The following PTPRG variants were observed in gnomAD, a reference collection of about 807,000 sequenced individuals.
PTPRG encodes receptor-type tyrosine-protein phosphatase gamma.
PTPRG carries 102 observed loss-of-function variants against 165.3 expected under a neutral mutation model. That is an observed-to-expected ratio of 0.62 (90% CI 0.53 to 0.73). The LOEUF (loss-of-function observed/expected upper bound fraction) is 0.73. Among genes scored for constraint, PTPRG ranks in the 30% least tolerant of loss-of-function variants. The pLI, the probability that PTPRG is intolerant of heterozygous loss-of-function variation, is 0.00. For missense variants in PTPRG, 1,866 were observed against 1,861.4 expected, an observed-to-expected ratio of 1.00 and a Z score of -0.05; for synonymous variants, 675 against 669.5, an observed-to-expected ratio of 1.01 and a Z score of -0.13.
chr3:61,718,543 A>T (rs1463567566), intron 1 of PTPRG, among the ~76,000 whole-genome samples: 1 of 152,176 alleles, frequency 6.6e-6, no homozygotes, highest in African/African-American at 2.4e-5. Flanking sequence ...TATATTAGTT[A>T]TGGGAGTGAG....
At chr3:61,823,269 C>T (rs184113949) in intron 2 of PTPRG, among the ~76,000 whole-genome samples, 42 of 152,320 alleles carry the variant, frequency 2.8e-4, no homozygotes, top group Admixed American at 2.7e-3. Flanking sequence ...CAGCTTACTA[C>T]AACCTCTACC....
At chr3:61,764,696 G>A (rs980635035) in intron 2 of PTPRG, among the ~76,000 whole-genome samples, 3 of 152,146 alleles carry the variant, frequency 2.0e-5, no homozygotes, top group African/African-American at 7.2e-5. Context: ...CACTTGGAAA[G>A]GTTCAATGTT....
intron 1 of PTPRG, among the ~76,000 whole-genome samples, chr3:61,567,972 A>AAG (rs1553636500): frequency 6.6e-6 from 1 of 151,708 alleles, no homozygotes; most frequent in Non-Finnish European, 1.5e-5. Context: ...CCTCAAAAAA[A>AAG]AAAAAAAAAA....
intron 2 of PTPRG, among the ~76,000 whole-genome samples, chr3:61,784,639 G>C (rs1448967912): frequency 6.6e-6 from 1 of 152,146 alleles, no homozygotes; most frequent in Non-Finnish European, 1.5e-5. Context: ...CATAACGCTG[G>C]TAGATTAGGA....
chr3:61,993,059 A>G (rs923086851), intron 3 of PTPRG, among the ~76,000 whole-genome samples: 1 of 152,168 alleles, frequency 6.6e-6, no homozygotes, highest in Non-Finnish European at 1.5e-5. Flanking sequence ...TCTGGAACAT[A>G]TAAATTCAAC....
At chr3:62,280,265 G>C (rs149262197) in intron 26 of PTPRG, among the ~76,000 whole-genome samples, 197 of 152,034 alleles carry the variant, frequency 1.3e-3, no homozygotes, top group Non-Finnish European at 2.7e-3. Flanking sequence ...AGTGATTTTA[G>C]ATAATTTATG....
In PTPRG at chr3:62,271,472, G is replaced by A. The variant is rs1419800212; in HGVS notation, c.3099G>A (p.Glu1033=). ...YTQWPDMGVP[E]YALPVLTFVR... is the part of the protein sequence containing the mutation. ...AGTGGCCTGACATGGGAGTTCCCGA[G>A]TATGCCCTTCCAGTACTGACTTTCG... The change falls in exon 21 of 30, where the codon GAG becomes GAA. Residue 1033 remains glutamate, a synonymous_variant. Transcript: ENST00000474889. The surrounding 1 kb of genome is among the most constrained non-coding windows in gnomAD (Gnocchi z 4.1). 1.9e-6 allele frequency: 3 copies of A among 1,613,920 alleles called. No individual in the cohort carries two copies. Among genetic ancestry groups the A allele is most frequent in the African/African-American group, 2.7e-5 (2 of 74,950 alleles).
chr3:61,641,114 C>T (rs1478053639), intron 1 of PTPRG, among the ~76,000 whole-genome samples: 1 of 152,206 alleles, frequency 6.6e-6, no homozygotes, highest in Non-Finnish European at 1.5e-5. Context: ...TGATCATCAA[C>T]TCCTTGGAGT....
At chr3:62,186,141 C>G (rs1705873797) in intron 8 of PTPRG, among the ~76,000 whole-genome samples, 1 of 152,128 alleles carries the variant, frequency 6.6e-6, no homozygotes, top group South Asian at 2.1e-4. Flanking sequence ...AGTCGCCAAG[C>G]ATCGGTGGTT....
At chr3:61,597,192 C>T (rs1014782101) in intron 1 of PTPRG, among the ~76,000 whole-genome samples, 1 of 152,192 alleles carries the variant, frequency 6.6e-6, no homozygotes. Flanking sequence ...GACCCAAACA[C>T]TTCCCATTAT....
intron 2 of PTPRG, among the ~76,000 whole-genome samples, chr3:61,906,476 CAT>C (rs769874578): frequency 7.9e-4 from 119 of 151,164 alleles, no homozygotes; most frequent in Middle Eastern, 6.8e-3. Context: ...GAAAAAAAAA[CAT>C]ATATATATGG....
chr3:62,147,918 G>T (rs62243863), intron 6 of PTPRG, among the ~76,000 whole-genome samples: 20,340 of 152,172 alleles, frequency 0.13, 1,629 homozygotes, highest in Non-Finnish European at 0.19. Context: ...CACTTTGGGA[G>T]GCTGAGCCAG....
chr3:62,012,209 G>A (rs2041440427), intron 4 of PTPRG, among the ~76,000 whole-genome samples: 1 of 152,188 alleles, frequency 6.6e-6, no homozygotes, highest in African/African-American at 2.4e-5. Context: ...CTTAAAGATG[G>A]AAAGACTGAG....
intron 1 of PTPRG, among the ~76,000 whole-genome samples, chr3:61,730,239 C>T (rs1449076834): frequency 6.9e-6 from 1 of 145,378 alleles, no homozygotes; most frequent in African/African-American, 2.6e-5. Flanking sequence ...GCTACAGTGC[C>T]TCAGCTGTCG....
intron 1 of PTPRG, among the ~76,000 whole-genome samples, chr3:61,716,574 T>C (rs2031817658): frequency 6.6e-6 from 1 of 152,224 alleles, no homozygotes; most frequent in South Asian, 2.1e-4. Flanking sequence ...TCTCATTATC[T>C]TTTCTTATTG....
At chr3:61,992,811 C>T (rs892476491) in intron 3 of PTPRG, among the ~76,000 whole-genome samples, 2 of 152,066 alleles carry the variant, frequency 1.3e-5, no homozygotes, top group African/African-American at 4.8e-5. Context: ...CGTGAGCCAC[C>T]GTGCCCGGCC....
intron 2 of PTPRG, among the ~76,000 whole-genome samples, chr3:61,874,102 G>C (rs1299853485): frequency 6.6e-6 from 1 of 152,110 alleles, no homozygotes; most frequent in African/African-American, 2.4e-5. Context: ...GACTCTCAGG[G>C]GCACAAGAAT....
chr3:62,179,594 A>G (rs1163255374), intron 8 of PTPRG, among the ~76,000 whole-genome samples: 2 of 152,224 alleles, frequency 1.3e-5, no homozygotes, highest in Admixed American at 6.5e-5. Context: ...TTCAGAGCGT[A>G]TGGACCTATT....
intron 28 of PTPRG, 39 bp from the exon 29 acceptor site, chr3:62,292,382 T>C (rs778661188): frequency 5.0e-6 from 8 of 1,593,300 alleles, no homozygotes; most frequent in South Asian, 3.4e-5. Flanking sequence ...TTGGTCCCTT[T>C]GTACATCTGA....
Sources: gnomAD v4.1 joint callset for allele counts (sites outside exome capture counted in the v4.1 genomes callset) on GRCh38, gnomAD v4.1.1 for gene constraint, Gnocchi (gnomAD v3.1) non-coding constraint, MANE v1.5 for transcripts, NCBI Gene and HGNC (gene_info 2026-07-23, HGNC 2026-07-21) for gene names.